The following PARVB variants were observed in gnomAD, a reference collection of about 807,000 sequenced individuals.
PARVB encodes the protein parvin beta.
PARVB carries 46 observed loss-of-function variants against 47.0 expected under a neutral mutation model. The ratio of observed to expected loss-of-function variants is 0.98; its 90% CI spans 0.77 to 1.25. The LOEUF (loss-of-function observed/expected upper bound fraction) is 1.25, where lower values mean the gene tolerates loss of function less well. Among genes scored for constraint, PARVB ranks in the 50% most tolerant of loss-of-function variants. The pLI, the probability that PARVB is intolerant of heterozygous loss-of-function variation, is 0.00. For missense variants in PARVB, 473 were observed against 471.6 expected, an observed-to-expected ratio of 1.00 and a Z score of -0.03; for synonymous variants, 196 against 196.3, an observed-to-expected ratio of 1.00 and a Z score of 0.01.
upstream of PARVB, among the ~76,000 whole-genome samples, chr22:44,019,867 C>T (rs1484171971): frequency 6.6e-6 from 1 of 152,196 alleles, no homozygotes; most frequent in Non-Finnish European, 1.5e-5. Flanking sequence ...AGTCAAATAT[C>T]CAATACATAG....
chr22:44,038,556 G>A (rs949696105), intron 1 of PARVB, among the ~76,000 whole-genome samples: 2 of 152,136 alleles, frequency 1.3e-5, no homozygotes, highest in African/African-American at 4.8e-5. Context: ...TGAGGTGGGC[G>A]GATCACTTGA....
chr22:44,136,346 C>A, intron 6 of PARVB, 114 bp from the exon 7 acceptor site: 1 of 909,076 alleles, frequency 1.1e-6, no homozygotes, highest in Non-Finnish European at 1.8e-6. Flanking sequence ...CCCTCCTTCT[C>A]CTGTTGCTCT....
chr22:44,035,350 TTTC>T, intron 1 of PARVB, among the ~76,000 whole-genome samples: 1 of 150,622 alleles, frequency 6.6e-6, no homozygotes, highest in Middle Eastern at 3.4e-3. Flanking sequence ...ATGTCACGCT[TTTC>T]TTCTTTTCTT....
chr22:44,040,091 T>C (rs561092581), intron 1 of PARVB: 12 of 255,610 alleles, frequency 4.7e-5, no homozygotes, highest in South Asian at 4.3e-4. Flanking sequence ...TCTGTTGTTA[T>C]GAAAATATTC....
intron 3 of PARVB, among the ~76,000 whole-genome samples, chr22:44,102,420 A>G (rs182154494): frequency 3.9e-4 from 59 of 152,328 alleles, no homozygotes; most frequent in Admixed American, 1.0e-3. Context: ...GCACCTTTCT[A>G]AAGATTTTTT....
intron 3 of PARVB, 77 bp downstream of exon 3, chr22:44,100,200 A>C: frequency 1.8e-6 from 2 of 1,130,090 alleles, no homozygotes; most frequent in Non-Finnish European, 2.7e-6. Context: ...TCTCATGGAC[A>C]AAGGGAGCTA....
chr22:44,090,791 C>G (rs2052148296), intron 1 of PARVB, among the ~76,000 whole-genome samples: 1 of 152,254 alleles, frequency 6.6e-6, no homozygotes, highest in African/African-American at 2.4e-5. Flanking sequence ...GACCTCCCTG[C>G]CCCTGTTGTG....
At chr22:44,120,039 C>A (rs2053008199) in intron 4 of PARVB, 1 of 364,268 alleles carries the variant, frequency 2.7e-6, no homozygotes, top group African/African-American at 2.1e-5. Context: ...GGGGGCAGTA[C>A]TGCCATCGCC....
At chr22:44,052,342 C>T (rs968237897) in intron 1 of PARVB, among the ~76,000 whole-genome samples, 11 of 152,142 alleles carry the variant, frequency 7.2e-5, no homozygotes, top group Middle Eastern at 3.2e-3. Flanking sequence ...AATTGTGGTT[C>T]GACAGCACCG....
At chr22:44,163,826 C>T in intron 11 of PARVB, 32 bp from the exon 12 acceptor site, 4 of 1,579,044 alleles carry the variant, frequency 2.5e-6, no homozygotes, top group Non-Finnish European at 3.5e-6. Flanking sequence ...ACTGTTGGAC[C>T]CTAACGCTGA....
intron 10 of PARVB, among the ~76,000 whole-genome samples, chr22:44,157,421 C>A (rs963391494): frequency 7.2e-5 from 11 of 152,230 alleles, no homozygotes; most frequent in Non-Finnish European, 1.5e-5. Context: ...CAGCTCCAAA[C>A]ACTCATCATA....
At chr22:44,028,629 G>T (rs1434187734) in intron 1 of PARVB, among the ~76,000 whole-genome samples, 2 of 152,218 alleles carry the variant, frequency 1.3e-5, no homozygotes, top group Non-Finnish European at 2.9e-5. Context: ...GTAGGTTTTT[G>T]TGTGGAGATA....
intron 1 of PARVB, among the ~76,000 whole-genome samples, chr22:44,027,150 C>T (rs187495014): frequency 1.2e-4 from 19 of 152,164 alleles, no homozygotes; most frequent in African/African-American, 4.3e-4. Context: ...CGGAAACCCC[C>T]AGGGCTCCCC....
At chr22:44,157,169 C>G (rs2053953629) in intron 10 of PARVB, among the ~76,000 whole-genome samples, 1 of 152,236 alleles carries the variant, frequency 6.6e-6, no homozygotes, top group African/African-American at 2.4e-5. Flanking sequence ...GCCACAGTCA[C>G]TGTGGTCTCT....
At chr22:44,075,772 G>A (rs927979548) in intron 1 of PARVB, among the ~76,000 whole-genome samples, 7 of 152,238 alleles carry the variant, frequency 4.6e-5, no homozygotes, top group Non-Finnish European at 8.8e-5. Flanking sequence ...AGCTGACGGC[G>A]CGTTTCTTCT....
chr22:44,149,287 C>A (rs1423378384), intron 9 of PARVB: 1 of 152,250 alleles, frequency 6.6e-6, no homozygotes, highest in Non-Finnish European at 1.5e-5. Flanking sequence ...GCGAAAGACA[C>A]ATTTTCGGCA....
rs537963576 is a variant in PARVB, at chr22:44,163,992, C to T, written c.1018+62C>T. ...CGCACGGAGGGGAAGAAAAACGGGT[C>T]CTAGAAGTGGCTGGAAGGCTGGCAT... On this transcript the variant is annotated intron_variant, in intron 12 of 12. Coordinates refer to ENST00000338758, the MANE Select transcript of PARVB (RefSeq NM_013327.5). The T allele has an allele frequency of 1.5e-5, 19 of 1,306,506 alleles. No individual in the cohort carries two copies. The African/African-American group carries it at 2.3e-4, about 16-fold the overall frequency. 80.9% of individuals were successfully genotyped at this position (1,306,506 alleles called of 1,614,324 possible).
At chr22:44,156,098 C>T (rs1291801535) in intron 10 of PARVB, among the ~76,000 whole-genome samples, 4 of 151,796 alleles carry the variant, frequency 2.6e-5, no homozygotes, top group Admixed American at 2.0e-4. Flanking sequence ...TGCTGTGAGC[C>T]GAGGTTGCAG....
chr22:44,069,954 A>G (rs1475198833), intron 1 of PARVB, among the ~76,000 whole-genome samples: 4 of 152,208 alleles, frequency 2.6e-5, no homozygotes, highest in Non-Finnish European at 4.4e-5. Flanking sequence ...CAGAGTCAGT[A>G]GAAGGTGCTT....
Sources: allele counts gnomAD v4.1 joint callset (sites outside exome capture counted in the v4.1 genomes callset), GRCh38; gene constraint gnomAD v4.1.1; transcripts MANE v1.5; gene names NCBI Gene and HGNC (gene_info 2026-07-23, HGNC 2026-07-21).